NRXN3: variants seen among roughly 807,000 people sequenced by gnomAD.
NRXN3 encodes the protein neurexin III.
In NRXN3, 32 loss-of-function variants were observed where a neutral mutation model predicts 137.6. The observed-to-expected ratio is 0.23, with a 90% CI of 0.18 to 0.31. The LOEUF (loss-of-function observed/expected upper bound fraction) is 0.31. NRXN3 is among the 10% of genes least tolerant of loss of function. The pLI is 1.00. For missense variants in NRXN3, 1,574 were observed against 2,062.5 expected (o/e 0.76, Z 4.59); for synonymous variants, 798 against 784.5 (o/e 1.02, Z -0.29).
chr14:78,726,388 G>A (rs996515172), intron 8 of NRXN3, among the ~76,000 whole-genome samples: 3 of 151,574 alleles, frequency 2.0e-5, no homozygotes, highest in African/African-American at 7.3e-5. Context: ...CCCTCCCTGT[G>A]TCCATGTGTT....
At chr14:78,194,075 G>A (rs547153736) in intron 1 of NRXN3, among the ~76,000 whole-genome samples, 87 of 152,322 alleles carry the variant, frequency 5.7e-4, no homozygotes, top group Non-Finnish European at 9.3e-4. Context: ...GGTAACGCAC[G>A]CTGGGTTTGG....
At chr14:78,332,214 A>G (rs2080900423) in intron 4 of NRXN3, among the ~76,000 whole-genome samples, 1 of 152,134 alleles carries the variant, frequency 6.6e-6, no homozygotes, top group Non-Finnish European at 1.5e-5. Context: ...AACCCTCGAT[A>G]AATATCTTTT....
intron 16 of NRXN3, among the ~76,000 whole-genome samples, chr14:79,550,105 G>A (rs1409491342): frequency 6.6e-6 from 1 of 151,952 alleles, no homozygotes; most frequent in Non-Finnish European, 1.5e-5. Context: ...GAATAGCTGG[G>A]ACTACATGCA....
Position 78,278,615 on chromosome 14 carries a change from C to T in NRXN3, c.710-30C>T, listed in dbSNP as rs1219780656. On this transcript the variant is annotated intron_variant, in intron 2 of 20. Transcript: ENST00000335750. ...TTCTCCCCTTTTCTCTCCTCTCTCCCTTTCCCTCCCTTTGAAAATGCTGCC... is the reference window on the plus strand; with the variant it reads ...TTCTCCCCTTTTCTCTCCTCTCTCCTTTTCCCTCCCTTTGAAAATGCTGCC... 6 of 1,528,870 alleles carry T rather than the reference C, an allele frequency of 3.9e-6. No homozygotes were observed. In the Admixed American group the frequency reaches 7.8e-5, roughly 20 times the overall value. The allele number at this position is 1,528,870 out of a possible 1,614,324, so 94.7% of individuals were successfully genotyped here.
intron 20 of NRXN3, among the ~76,000 whole-genome samples, chr14:79,826,881 A>G (rs1030123441): frequency 2.6e-5 from 4 of 152,070 alleles, no homozygotes; most frequent in African/African-American, 4.8e-5. Context: ...TTGGTGTAGA[A>G]GCGGGAAGAT....
intron 15 of NRXN3, among the ~76,000 whole-genome samples, chr14:79,424,418 T>C (rs529028425): frequency 1.3e-5 from 2 of 152,318 alleles, no homozygotes; most frequent in Non-Finnish European, 2.9e-5. Context: ...AGAATGTACA[T>C]AGACAATAAT....
chr14:78,485,380 ACTT>A (rs2095545274), intron 4 of NRXN3, among the ~76,000 whole-genome samples: 1 of 152,014 alleles, frequency 6.6e-6, no homozygotes, highest in Non-Finnish European at 1.5e-5. Context: ...TCCCCTCTCT[ACTT>A]TTCTGTAAGG....
intron 15 of NRXN3, among the ~76,000 whole-genome samples, chr14:79,321,791 T>C (rs1402885775): frequency 6.7e-6 from 1 of 149,450 alleles, no homozygotes. Flanking sequence ...TAAATAACTA[T>C]ATTAATATAC....
At chr14:79,127,803 G>C (rs1020054891) in intron 15 of NRXN3, among the ~76,000 whole-genome samples, 105 of 152,152 alleles carry the variant, frequency 6.9e-4, no homozygotes, top group South Asian at 2.1e-3. Flanking sequence ...TCTTCCTACC[G>C]ATGAGCATGG....
chr14:79,262,227 C>T (rs2077718383), intron 15 of NRXN3, among the ~76,000 whole-genome samples: 1 of 152,112 alleles, frequency 6.6e-6, no homozygotes, highest in African/African-American at 2.4e-5. Flanking sequence ...GTGCCCAATC[C>T]TCACATTTCT....
chr14:79,483,454 C>T (rs2153641692), intron 16 of NRXN3, among the ~76,000 whole-genome samples: 1 of 152,228 alleles, frequency 6.6e-6, no homozygotes, highest in South Asian at 2.1e-4. Flanking sequence ...CTTTGGGAGG[C>T]CAAGGCAGGA....
At chr14:78,805,661 A>G (rs972885895) in intron 9 of NRXN3, among the ~76,000 whole-genome samples, 4 of 152,070 alleles carry the variant, frequency 2.6e-5, no homozygotes, top group Admixed American at 2.0e-4. Context: ...AAAGATGATG[A>G]AGACAATTTT....
At chr14:78,356,666 G>A (rs917179524) in intron 4 of NRXN3, among the ~76,000 whole-genome samples, 1 of 152,184 alleles carries the variant, frequency 6.6e-6, no homozygotes, top group Non-Finnish European at 1.5e-5. Context: ...CCTGTGTAAG[G>A]GCAACTGCTA....
chr14:78,524,005 T>G, intron 4 of NRXN3, among the ~76,000 whole-genome samples: 1 of 152,000 alleles, frequency 6.6e-6, no homozygotes, highest in East Asian at 1.9e-4. Context: ...ATGTCCTGGG[T>G]TCTGTTCACT....
At chr14:79,256,917 CAG>C (rs1022636632) in intron 15 of NRXN3, among the ~76,000 whole-genome samples, 9 of 151,972 alleles carry the variant, frequency 5.9e-5, no homozygotes, top group African/African-American at 2.2e-4. Context: ...ATGTGTGTGA[CAG>C]AAAGAGACAG....
intron 15 of NRXN3, among the ~76,000 whole-genome samples, chr14:79,452,138 T>C (rs1013682373): frequency 6.6e-6 from 1 of 151,960 alleles, no homozygotes; most frequent in Admixed American, 6.6e-5. Flanking sequence ...AATAGCCACA[T>C]AAAAAAGCAG....
rs1282109784 is a variant in NRXN3, at chr14:78,187,998, G to A, written c.-704+17324G>A. ...TTTAACTTTTCTAAAATGAGTATTC[G>A]GTAAATTAACACATAGGGAGCACTC... On this transcript the variant is annotated intron_variant, in intron 1 of 20. Coordinates refer to ENST00000335750, the MANE Select transcript of NRXN3 (RefSeq NM_001330195.2). Among the ~76,000 whole-genome samples, 8 of 152,078 alleles carry A rather than the reference G, an allele frequency of 5.3e-5. 1 individual carries two copies. The East Asian group carries it at 9.6e-4, about 18-fold the overall frequency.
intron 10 of NRXN3, among the ~76,000 whole-genome samples, chr14:78,926,968 AAT>A (rs1177375450): frequency 5.5e-5 from 3 of 54,364 alleles, no homozygotes; most frequent in Non-Finnish European, 8.4e-5. Flanking sequence ...ATATATATAT[AAT>A]ATATAATATA....
At chr14:78,452,491 C>T (rs969236548) in intron 4 of NRXN3, among the ~76,000 whole-genome samples, 1 of 152,156 alleles carries the variant, frequency 6.6e-6, no homozygotes. Context: ...GATTTCATGC[C>T]TTAGGACTCC....
Sources: gnomAD v4.1 joint callset for allele counts (sites outside exome capture counted in the v4.1 genomes callset) on GRCh38, gnomAD v4.1.1 for gene constraint, MANE v1.5 for transcripts, NCBI Gene and HGNC (gene_info 2026-07-23, HGNC 2026-07-21) for gene names.